The following CAPN12 variants were observed in gnomAD, a reference collection of about 807,000 sequenced individuals.
CAPN12 encodes calpain-12.
In CAPN12, 107 loss-of-function variants were observed where a neutral mutation model predicts 95.0. The observed-to-expected ratio is 1.13, with a 90% confidence interval of 0.96 to 1.32. The LOEUF is 1.32. Among genes scored for constraint, CAPN12 ranks in the 40% most tolerant of loss-of-function variants. The pLI is 0.00. For missense variants in CAPN12, 1,136 were observed against 997.8 expected (o/e 1.14, Z -1.87); for synonymous variants, 505 against 415.5 (o/e 1.22, Z -2.62).
In CAPN12 at chr19:38,731,022, G is replaced by T. The variant is rs1304804857; in HGVS notation, c.2076C>A (p.Cys692Ter). Residue 692 changes from cysteine (C) to a stop codon, truncating the protein, a stop_gained and splice_region_variant, in exon 20 of 21, where the codon TGC becomes TGA. Transcript: ENST00000328867. LOFTEE classifies it high-confidence loss of function. ...CCCCATCCAGGTGCTGGCTGCAGTG[G>T]CCTGTGCAGAGAGGGGCAGGGTGAG... is the stretch of plus-strand genomic sequence containing the variant. ...SCVAHLTCIF[C>*]HCSQHLDGGE... 6.4e-7 allele frequency: 1 copy of T among 1,554,460 alleles called. No individual in the cohort carries two copies.
intron 1 of CAPN12, 29 bp downstream of exon 1, chr19:38,743,893 TCAGACCC>T (rs1599943879): frequency 1.9e-6 from 3 of 1,600,468 alleles, no homozygotes; most frequent in Non-Finnish European, 1.7e-6. Flanking sequence ...CCCTCCTCCC[TCAGACCC>T]CAGAGCCCAG....
At chr19:38,733,837 TG>T (rs1969813836) in intron 17 of CAPN12, 56 bp from the exon 18 acceptor site, 1 of 1,450,074 alleles carries the variant, frequency 6.9e-7, no homozygotes, top group Non-Finnish European at 9.7e-7. Context: ...GGGCTGCCAA[TG>T]GGGCCTCCCA....
chr19:38,740,354 C>CCAGGGCCA, intron 4 of CAPN12, 135 bp from the exon 5 acceptor site: 1 of 967,568 alleles, frequency 1.0e-6, no homozygotes, highest in Non-Finnish European at 1.5e-6. Flanking sequence ...GAGACTTTTT[C>CCAGGGCCA]CAGGGTCACC....
Position 38,730,803 on chromosome 19 carries a change from C to G in CAPN12, c.*49G>C. 1.3e-6 allele frequency: 2 copies of G among 1,549,358 alleles called. No homozygotes were observed. The highest frequency in any genetic ancestry group is 1.7e-4 in the Middle Eastern group (1 of 5,988). ...GCCAGGCAAGGCCTAGGGAGGTGGT[C>G]TTGCTCAGCAACCCTGCCCTGAGCA... is the stretch of plus-strand genomic sequence containing the variant. On this transcript the variant is annotated 3_prime_UTR_variant, in exon 21 of 21. Transcript: ENST00000328867.
Position 38,738,558 on chromosome 19 carries a change from C to T in CAPN12, c.804+16G>A, listed in dbSNP as rs201917445. The T allele has an allele frequency of 1.6e-4, 252 of 1,613,818 alleles. No homozygotes were observed. Among genetic ancestry groups the T allele is most frequent in the Non-Finnish European group, 3.6e-5 (43 of 1,179,972 alleles). On this transcript the variant is annotated intron_variant, in intron 6 of 20. Transcript: ENST00000328867. ...CCTGGACATGGCCTGCCACCCCACCCATGGGGGACACTTACCTTGTGTGTG... is the reference window on the plus strand; with the variant it reads ...CCTGGACATGGCCTGCCACCCCACCTATGGGGGACACTTACCTTGTGTGTG...
chr19:38,730,958 G>A lies in CAPN12; in HGVS notation c.2133+7C>T. 1 of 1,550,614 alleles carries A rather than the reference G, an allele frequency of 6.4e-7. No homozygotes were observed. The highest frequency in any genetic ancestry group is 8.7e-7 in the Non-Finnish European group (1 of 1,147,076). On this transcript the variant is annotated splice_region_variant and intron_variant, in intron 20 of 20. Coordinates refer to ENST00000328867, the MANE Select transcript of CAPN12 (RefSeq NM_144691.4). The stretch of plus-strand genomic sequence containing the variant: ...CTGAGCCACCCTGTCCCTCCCACCT[G>A]GCTCACCTGTCTGTGGGTCAGGCAG...
In CAPN12 at chr19:38,743,062, C is replaced by T. The variant is rs1970653878; in HGVS notation, c.278G>A (p.Ser93Asn). 1 of 1,614,014 alleles carries T rather than the reference C, an allele frequency of 6.2e-7. No homozygotes were observed. The highest frequency in any genetic ancestry group is 8.5e-7 in the Non-Finnish European group (1 of 1,179,988). ...AEPKFICEDM[S>N]RTDVCQGSLG... ...GCTCCCCTGACACACGTCTGTGCGG[C>T]TCATGTCTTCACAGATGAACTTCGG... Residue 93 changes from serine (S) to asparagine (N), a missense_variant, in exon 2 of 21, where the codon AGC (serine) becomes AAC (asparagine). Coordinates refer to ENST00000328867, the MANE Select transcript of CAPN12 (RefSeq NM_144691.4).
rs1599897813 is a variant in CAPN12 at position 38,735,555 on chromosome 19, C to T, written c.1584-11G>A. 1.2e-6 allele frequency: 2 copies of T among 1,608,642 alleles called. No homozygotes were observed. Among genetic ancestry groups the T allele is most frequent in the Non-Finnish European group, 8.5e-7 (1 of 1,178,752 alleles). On this transcript the variant is annotated splice_polypyrimidine_tract_variant and intron_variant, in intron 12 of 20. Coordinates refer to ENST00000328867, the MANE Select transcript of CAPN12 (RefSeq NM_144691.4). The stretch of plus-strand genomic sequence containing the variant: ...ACGTCGTCGATCTCCCTGCAAATTA[C>T]AGATGGGAAGTGGGGAGGGGGCTGT...
chr19:38,738,626 G>A lies in CAPN12; in HGVS notation c.752C>T (p.Thr251Ile), dbSNP rs373982438. Residue 251 changes from threonine to isoleucine, a missense_variant, in exon 6 of 21, where the codon ACA becomes ATA. By Grantham distance (89) the Thr-to-Ile change is moderately conservative (BLOSUM62 -1). Transcript: ENST00000328867. ...TALSDRGEYR[T>I]EEGLVKGHAY... ...GTGTCCCTTTACCAGGCCCTCTTCT[G>A]TGCGGTACTCACCCCGATCACTCTG... is the stretch of plus-strand genomic sequence containing the variant. 1.9e-6 allele frequency: 3 copies of A among 1,613,910 alleles called. No individual in the cohort carries two copies. The highest frequency in any genetic ancestry group is 1.7e-5 in the Admixed American group (1 of 60,000).
intron 3 of CAPN12, 152 bp from the exon 4 acceptor site, chr19:38,742,062 A>T: frequency 8.5e-7 from 1 of 1,180,006 alleles, no homozygotes. Context: ...GCGGTGGCTC[A>T]CATCTGTAAT....
chr19:38,730,335 G>A lies in CAPN12; in HGVS notation c.*517C>T. 5.9e-6 allele frequency: 1 copy of A among 170,022 alleles called. No individual in the cohort carries two copies. The allele number at this position is 170,022 out of a possible 1,614,324, so 10.5% of individuals were successfully genotyped here. On this transcript the variant is annotated 3_prime_UTR_variant, in exon 21 of 21. Transcript: ENST00000328867. ...CGGGCCCCTTGCTGATGCTCCTCCG[G>A]GTCTGCGTCGGGCGTGGGTCTCTGG...
rs1970650515 is a variant in CAPN12 at position 38,743,013 on chromosome 19, A to C, written c.307+20T>G. The C allele has an allele frequency of 1.1e-5, 17 of 1,613,368 alleles. No homozygotes were observed. The highest frequency in any genetic ancestry group is 1.4e-5 in the Non-Finnish European group (17 of 1,179,388). ...GAAACTAGCTGGATCTGAGGACTCCAGGTGGGTTCAGGGTCTCACCCAGGC... is the reference window on the plus strand; with the variant it reads ...GAAACTAGCTGGATCTGAGGACTCCCGGTGGGTTCAGGGTCTCACCCAGGC... On this transcript the variant is annotated intron_variant, in intron 2 of 20. Coordinates refer to ENST00000328867, the MANE Select transcript of CAPN12 (RefSeq NM_144691.4).
rs113131323 is a variant in CAPN12 at position 38,743,966 on chromosome 19, G to A, written c.200C>T (p.Ser67Leu). The change falls in exon 1 of 21, where the codon TCG becomes TTG. Residue 67 changes from serine to leucine, a missense_variant. By Grantham distance (145) the Ser-to-Leu change is moderately radical. Coordinates refer to ENST00000328867, the MANE Select transcript of CAPN12 (RefSeq NM_144691.4). Reference sequence around the variant, plus strand: ...CCATTTCACGCCTTTGGCCTTCTCCGAGTCCGGCCCCAGCTGGTCATAGCC... The same window carrying A: ...CCATTTCACGCCTTTGGCCTTCTCCAAGTCCGGCCCCAGCTGGTCATAGCC... ...ALGYDQLGPD[S>L]EKAKGVKWMR... The A allele has an allele frequency of 1.3e-5, 21 of 1,614,078 alleles. No homozygotes were observed. The highest frequency in any genetic ancestry group is 3.3e-4 in the Middle Eastern group (2 of 6,084).
At chr19:38,738,981 A>G (rs1970388654) in intron 5 of CAPN12, 1 of 376,038 alleles carries the variant, frequency 2.7e-6, no homozygotes, top group Non-Finnish European at 5.0e-6. Context: ...AAATTTTAAA[A>G]ATTCAACAGG....
chr19:38,741,330 T>C (rs917458656), intron 4 of CAPN12, among the ~76,000 whole-genome samples: 3 of 152,062 alleles, frequency 2.0e-5, no homozygotes, highest in African/African-American at 4.8e-5. Flanking sequence ...CCCAGTACTT[T>C]GGGAGGCCAA....
chr19:38,744,519 G>A (rs921036380), upstream of CAPN12: 6 of 360,522 alleles, frequency 1.7e-5, no homozygotes, highest in Admixed American at 2.4e-4. Context: ...GGCTGGGGAA[G>A]GAGGCGGGTT....
chr19:38,742,280 G>A (rs1409351279), intron 3 of CAPN12, 130 bp downstream of exon 3: 2 of 754,116 alleles, frequency 2.7e-6, no homozygotes, highest in Non-Finnish European at 4.5e-6. Context: ...AGTGAGCCGA[G>A]ATTGTGCCAC....
intron 17 of CAPN12, 109 bp from the exon 18 acceptor site, chr19:38,733,890 G>T: frequency 1.0e-6 from 1 of 964,886 alleles, no homozygotes; most frequent in Non-Finnish European, 1.6e-6. Context: ...CTTTCTTCTG[G>T]TGTGGACCCC....
At chr19:38,733,594 G>A (rs1054863862) in intron 18 of CAPN12, 109 bp downstream of exon 18, 3 of 992,402 alleles carry the variant, frequency 3.0e-6, no homozygotes, top group Non-Finnish European at 3.1e-6. Context: ...GTGTGGGCCT[G>A]TGGATGGCCA....
Sources: gnomAD v4.1 joint callset for allele counts (sites outside exome capture counted in the v4.1 genomes callset) on GRCh38, gnomAD v4.1.1 for gene constraint, MANE v1.5 for transcripts, NCBI Gene and HGNC (gene_info 2026-07-23, HGNC 2026-07-21) for gene names.